LRP8: variants seen among roughly 807,000 people sequenced by gnomAD.
LRP8 encodes low-density lipoprotein receptor-related protein 8.
A neutral mutation model predicts 111.6 loss-of-function variants in LRP8; 46 were observed. The ratio of observed to expected loss-of-function variants is 0.41; its 90% confidence interval spans 0.33 to 0.53. The LOEUF (loss-of-function observed/expected upper bound fraction) is 0.53, where lower values mean the gene tolerates loss of function less well. LRP8 is among the 20% of genes least tolerant of loss of function. The pLI, the probability that LRP8 is intolerant of heterozygous loss-of-function variation, is 0.20. For missense variants in LRP8, 959 were observed against 1,297.4 expected (o/e 0.74, Z 4.01); for synonymous variants, 464 against 511.2 (o/e 0.91, Z 1.24).
rs768805727 is a variant in LRP8, at chr1:53,250,723, C to A, written c.2643G>T (p.Gly881=). The A allele has an allele frequency of 5.0e-6, 8 of 1,614,078 alleles. No homozygotes were observed. Among genetic ancestry groups the A allele is most frequent in the Non-Finnish European group, 6.8e-6 (8 of 1,179,970 alleles). The part of the protein sequence containing the change: ...EEEDEDELHI[G]RTAQIGHVYP... ...AGACATGGCCAATCTGAGCAGTTCTCCCTATATGGAGCTCATCTTCGTCTT... is the reference window on the plus strand; with the variant it reads ...AGACATGGCCAATCTGAGCAGTTCTACCTATATGGAGCTCATCTTCGTCTT... Residue 881 remains glycine, a synonymous_variant, in exon 17 of 19, where the codon GGG becomes GGT. Coordinates refer to ENST00000306052, the MANE Select transcript of LRP8 (RefSeq NM_004631.5). The surrounding 1 kb of genome is among the most constrained non-coding windows in gnomAD (Gnocchi z 4.6).
intron 2 of LRP8, among the ~76,000 whole-genome samples, chr1:53,291,388 C>A (rs1373819140): frequency 1.3e-5 from 2 of 152,110 alleles, no homozygotes; most frequent in African/African-American, 2.4e-5. Flanking sequence ...GCTTAGAAGT[C>A]CCGTGGCCCC....
intron 18 of LRP8, among the ~76,000 whole-genome samples, chr1:53,247,434 A>G (rs1417161899): frequency 6.6e-6 from 1 of 152,202 alleles, no homozygotes; most frequent in East Asian, 1.9e-4. Flanking sequence ...TAGCTTTGGC[A>G]AATGTTAAAT....
intron 2 of LRP8, among the ~76,000 whole-genome samples, chr1:53,310,860 G>A (rs1652860122): frequency 6.6e-6 from 1 of 152,180 alleles, no homozygotes; most frequent in Non-Finnish European, 1.5e-5. Context: ...GGGCACTGGG[G>A]GGTTGGGAAA....
intron 2 of LRP8, among the ~76,000 whole-genome samples, chr1:53,322,845 C>T (rs1654691928): frequency 1.3e-5 from 2 of 152,176 alleles, no homozygotes; most frequent in Admixed American, 6.5e-5. Context: ...ATTTATGAGG[C>T]TGTTTCCCAG....
chr1:53,306,544 C>G (rs1652002070), intron 2 of LRP8, among the ~76,000 whole-genome samples: 1 of 152,242 alleles, frequency 6.6e-6, no homozygotes, highest in Non-Finnish European at 1.5e-5. Flanking sequence ...AAGCCACTCC[C>G]CCTCTCTGGG....
chr1:53,312,006 C>T (rs1363654543), intron 2 of LRP8, among the ~76,000 whole-genome samples: 3 of 152,228 alleles, frequency 2.0e-5, no homozygotes, highest in African/African-American at 7.2e-5. Flanking sequence ...TTCTATTCAT[C>T]ATGAGAACAA....
chr1:53,326,116 T>C (rs1338687814), intron 2 of LRP8, among the ~76,000 whole-genome samples: 1 of 152,146 alleles, frequency 6.6e-6, no homozygotes, highest in African/African-American at 2.4e-5. Flanking sequence ...GTACCCTCCT[T>C]CCTGGTGTGC....
At chr1:53,269,092 A>G (rs1646676588) in intron 8 of LRP8, among the ~76,000 whole-genome samples, 1 of 152,216 alleles carries the variant, frequency 6.6e-6, no homozygotes, top group Admixed American at 6.5e-5. Flanking sequence ...ACAATGGTCT[A>G]GAAGGCCCTT....
chr1:53,308,133 T>C (rs1225381586), intron 2 of LRP8, among the ~76,000 whole-genome samples: 3 of 152,224 alleles, frequency 2.0e-5, no homozygotes, highest in Non-Finnish European at 4.4e-5. Context: ...CAGCGAGGCT[T>C]TCCTGACATG....
intron 2 of LRP8, among the ~76,000 whole-genome samples, chr1:53,312,032 C>T (rs1653095479): frequency 6.6e-6 from 1 of 152,214 alleles, no homozygotes; most frequent in African/African-American, 2.4e-5. Flanking sequence ...TCAGTGCTGC[C>T]CTCCACTTGG....
chr1:53,271,020 G>C lies in LRP8; in HGVS notation c.1252+8C>G. 2 of 1,613,976 alleles carry C rather than the reference G, an allele frequency of 1.2e-6. No homozygotes were observed. Among genetic ancestry groups the C allele is most frequent in the Non-Finnish European group, 1.7e-6 (2 of 1,179,994 alleles). ...AGAGCTGCCCCTCTGCCCTTGGGGT[G>C]TTCATACCAGCAGCCTTGCAGTTCT... On this transcript the variant is annotated splice_region_variant and intron_variant, in intron 8 of 18. Transcript: ENST00000306052.
At chr1:53,264,037 A>G in intron 10 of LRP8, 132 bp downstream of exon 10, 1 of 853,242 alleles carries the variant, frequency 1.2e-6, no homozygotes, top group Non-Finnish European at 1.8e-6. Flanking sequence ...GGGATTAACA[A>G]GACTTTCTTC....
chr1:53,323,359 G>C (rs1352561145), intron 2 of LRP8, among the ~76,000 whole-genome samples: 1 of 152,230 alleles, frequency 6.6e-6, no homozygotes, highest in Admixed American at 6.5e-5. Context: ...ACGATGCCCG[G>C]TCCACAGCAA....
At position 53,258,377 on chromosome 1, in the gene LRP8, G is replaced by A. The variant is rs748960052; in HGVS notation, c.2151C>T (p.Tyr717=). 4 of 1,614,050 alleles carry A rather than the reference G, an allele frequency of 2.5e-6. No homozygotes were observed. In the African/African-American group the frequency reaches 5.3e-5, roughly 22 times the overall value. The change falls in exon 14 of 19, where the codon TAC becomes TAT. Residue 717 remains tyrosine (Y), a synonymous_variant. Coordinates refer to ENST00000306052, the MANE Select transcript of LRP8 (RefSeq NM_004631.5). The stretch of plus-strand genomic sequence containing the variant: ...ACATTGTGTCAGGACAGGCACATGT[G>A]TACTTGGGAGAGTGGCTGGAGATCT... The part of the protein sequence containing the change: ...APQISSHSPK[Y]TCACPDTMWL...
chr1:53,249,353 C>G lies in LRP8; in HGVS notation c.2853+27G>C, dbSNP rs1163849277. 6.2e-7 allele frequency: 1 copy of G among 1,609,418 alleles called. No homozygotes were observed. Among genetic ancestry groups the G allele is most frequent in the Non-Finnish European group, 8.5e-7 (1 of 1,177,298 alleles). On this transcript the variant is annotated intron_variant, in intron 18 of 18. Transcript: ENST00000306052. The surrounding 1 kb of genome is among the most constrained non-coding windows in gnomAD (Gnocchi z 4.1). ...GGTTCATGCCCTCACTCACCAGCCC[C>G]TCAGACTTAGAGTGGCACTGCCCTA...
chr1:53,327,839 TGCAGCAGCAGCA>T lies in LRP8; in HGVS notation c.62_73del (p.Leu21_Leu24del), dbSNP rs764027862. ...CGCTGCCGCCGCAAGATGCTGGAGC[TGCAGCAGCAGCA>T]GCAGCAGCAGCAGCAGCAGCAGCGC... On this transcript the variant is annotated inframe_deletion, in exon 1 of 19. Coordinates refer to ENST00000306052, the MANE Select transcript of LRP8 (RefSeq NM_004631.5). The T allele has an allele frequency of 2.4e-5, 36 of 1,487,030 alleles. No homozygotes were observed. The highest frequency in any genetic ancestry group is 8.3e-5 in the East Asian group (3 of 36,074). The allele number at this position is 1,487,030 out of a possible 1,614,324, so 92.1% of individuals were successfully genotyped here.
chr1:53,262,294 A>G lies in LRP8; in HGVS notation c.1775-87T>C. The G allele has an allele frequency of 6.4e-7, 1 of 1,574,680 alleles. No homozygotes were observed. The highest frequency in any genetic ancestry group is 2.2e-5 in the East Asian group (1 of 44,526). The stretch of plus-strand genomic sequence containing the variant: ...TGTACCTCTCCCTGCCCACATTTCT[A>G]GGCCTCACACTGAGGCCAGCCTACG... On this transcript the variant is annotated intron_variant, in intron 11 of 18. Coordinates refer to ENST00000306052, the MANE Select transcript of LRP8 (RefSeq NM_004631.5). This position sits in a 1 kb window ranked among gnomAD's most constrained non-coding sequence, Gnocchi z 4.8.
Position 53,260,512 on chromosome 1 carries a change from T to G in LRP8, c.2008A>C (p.Asn670His). ...AAGATGACAATGTCATGTGGGTTGT[T>G]GAGGTTCTCAGCCAGGATGGAGATT... is the stretch of plus-strand genomic sequence containing the variant. ...LEISILAENL[N>H]NPHDIVIFHE... is the part of the protein sequence containing the mutation. The change falls in exon 13 of 19, where the codon AAC becomes CAC. Residue 670 changes from asparagine (N) to histidine (H), a missense_variant. By Grantham distance (68) the Asn-to-His change is moderately conservative (BLOSUM62 1). Transcript: ENST00000306052. 6.2e-7 allele frequency: 1 copy of G among 1,614,190 alleles called. No homozygotes were observed. Among genetic ancestry groups the G allele is most frequent in the Non-Finnish European group, 8.5e-7 (1 of 1,180,028 alleles).
At chr1:53,255,309 G>T in intron 15 of LRP8, 124 bp from the exon 16 acceptor site, 3 of 799,646 alleles carry the variant, frequency 3.8e-6, no homozygotes, top group Non-Finnish European at 6.2e-6. Flanking sequence ...GATCCTGGCT[G>T]TTGCCTAATA....
Sources: allele counts gnomAD v4.1 joint callset (sites outside exome capture counted in the v4.1 genomes callset), GRCh38; gene constraint gnomAD v4.1.1; non-coding constraint Gnocchi (gnomAD v3.1); transcripts MANE v1.5; gene names NCBI Gene and HGNC (gene_info 2026-07-23, HGNC 2026-07-21).